Variants in RXRA observed in about 807,000 individuals in gnomAD.
The protein encoded by RXRA is retinoid X receptor alpha.
RXRA carries 5 observed loss-of-function variants against 44.5 expected under a neutral mutation model. The observed-to-expected ratio is 0.11, with a 90% confidence interval of 0.06 to 0.24. The LOEUF (loss-of-function observed/expected upper bound fraction) is 0.24, where lower values mean the gene tolerates loss of function less well. Ranked by LOEUF, RXRA falls within the 10% of genes least tolerant of loss-of-function variation. RXRA has a pLI of 1.00. For synonymous variants in RXRA, 291 were observed against 271.4 expected, an observed-to-expected ratio of 1.07 and a Z score of -0.71; for missense variants, 412 against 646.5, an observed-to-expected ratio of 0.64 and a Z score of 3.93.
At chr9:134,405,248 T>G (rs1412950146) in intron 2 of RXRA, 1 of 152,252 alleles carries the variant, frequency 6.6e-6, no homozygotes, top group Non-Finnish European at 1.5e-5. Context: ...GCCTTGCTTC[T>G]GTAGCCTGGA....
chr9:134,430,472 AG>A (rs1831515301), intron 7 of RXRA, among the ~76,000 whole-genome samples: 1 of 152,234 alleles, frequency 6.6e-6, no homozygotes, highest in South Asian at 2.1e-4. Flanking sequence ...GGGGTGGTTC[AG>A]GTCCCAGAGT....
intron 1 of RXRA, among the ~76,000 whole-genome samples, chr9:134,357,095 C>G (rs1473238093): frequency 6.6e-6 from 1 of 152,246 alleles, no homozygotes; most frequent in Non-Finnish European, 1.5e-5. Context: ...CCACCCAGCC[C>G]ACACCCTGAA....
At chr9:134,392,056 C>T (rs1455595822) in intron 1 of RXRA, among the ~76,000 whole-genome samples, 1 of 152,230 alleles carries the variant, frequency 6.6e-6, no homozygotes, top group Non-Finnish European at 1.5e-5. Flanking sequence ...TTGCAGGGGG[C>T]CGTGACAGTC....
intron 4 of RXRA, among the ~76,000 whole-genome samples, chr9:134,412,274 C>T (rs990635566): frequency 6.6e-6 from 1 of 152,210 alleles, no homozygotes; most frequent in African/African-American, 2.4e-5. Context: ...GTGTCAGGCC[C>T]CCTGGTGGGC....
In RXRA at chr9:134,401,838, G is replaced by C; in HGVS notation, c.235G>C (p.Val79Leu). 1.2e-6 allele frequency: 2 copies of C among 1,612,430 alleles called. No individual in the cohort carries two copies. Among genetic ancestry groups the C allele is most frequent in the Non-Finnish European group, 1.7e-6 (2 of 1,179,568 alleles). Reference sequence around the variant, plus strand: ...CCCCATGGGCCCCCACTCCATGTCGGTGCCCACCACACCCACCCTGGGCTT... The same window carrying C: ...CCCCATGGGCCCCCACTCCATGTCGCTGCCCACCACACCCACCCTGGGCTT... ...SSPMGPHSMS[V>L]PTTPTLGFST... Residue 79 changes from valine to leucine, a missense_variant, in exon 2 of 10, where the codon GTG (valine) becomes CTG (leucine). Around this residue, in one of 4 missense-constraint regions of RXRA, gnomAD observed 156 missense variants for 177.2 expected, o/e 0.88. Transcript: ENST00000481739.
intron 7 of RXRA, 89 bp downstream of exon 7, chr9:134,429,329 TC>T: frequency 3.7e-6 from 5 of 1,346,612 alleles, no homozygotes; most frequent in African/African-American, 1.4e-5. Flanking sequence ...CCGGTGCACA[TC>T]CTGCCTAGTA....
chr9:134,379,560 A>C (rs1257654198), intron 1 of RXRA: 15 of 985,440 alleles, frequency 1.5e-5, no homozygotes, highest in Non-Finnish European at 1.8e-5. Context: ...GCTCGGCCTC[A>C]TGGGGGGCTT....
In RXRA at chr9:134,383,263, G is replaced by A. The variant is rs1399579370; in HGVS notation, c.29-18369G>A. Among the ~76,000 whole-genome samples, 3 of 152,324 alleles carry A rather than the reference G, an allele frequency of 2.0e-5. No homozygotes were observed. The East Asian group carries it at 5.8e-4, about 29-fold the overall frequency. ...TTTGTCTCACTGATGAGCCATGTCAGGGTGAGGCAGGATGGAGGTGGGGCT... is the reference window on the plus strand; with the variant it reads ...TTTGTCTCACTGATGAGCCATGTCAAGGTGAGGCAGGATGGAGGTGGGGCT... On this transcript the variant is annotated intron_variant, in intron 1 of 9. Transcript: ENST00000481739.
intron 1 of RXRA, among the ~76,000 whole-genome samples, chr9:134,345,050 C>T (rs1290041618): frequency 6.6e-6 from 1 of 152,146 alleles, no homozygotes; most frequent in Non-Finnish European, 1.5e-5. Flanking sequence ...GCCCAGTGCT[C>T]GAGCTGCAGT....
rs926244620 is a variant in RXRA at position 134,380,260 on chromosome 9, G to A, written c.29-21372G>A. The A allele has an allele frequency of 3.9e-5, 36 of 913,400 alleles. No individual in the cohort carries two copies. In the African/African-American group the frequency reaches 4.8e-4, roughly 12 times the overall value. The allele number at this position is 913,400 out of a possible 1,614,324, so 56.6% of individuals were successfully genotyped here. ...TCCCAGGATGGGAGTGGGGGTGGCCGGGGCACTGTGAGCTGGCGTGCTGAG... is the reference window on the plus strand; with the variant it reads ...TCCCAGGATGGGAGTGGGGGTGGCCAGGGCACTGTGAGCTGGCGTGCTGAG... On this transcript the variant is annotated intron_variant, in intron 1 of 9. Transcript: ENST00000481739.
At chr9:134,376,755 A>G (rs1830563074) in intron 1 of RXRA, among the ~76,000 whole-genome samples, 1 of 100,298 alleles carries the variant, frequency 1.0e-5, no homozygotes, top group Non-Finnish European at 2.2e-5. Flanking sequence ...CGTGGTAGAG[A>G]GGGACCTCCT....
chr9:134,381,223 G>T (rs928588986), intron 1 of RXRA, among the ~76,000 whole-genome samples: 3 of 152,328 alleles, frequency 2.0e-5, no homozygotes, highest in African/African-American at 7.2e-5. Flanking sequence ...CTTTGAAGAG[G>T]CAGGCGTATG....
At position 134,422,527 on chromosome 9, in the gene RXRA, C is replaced by T. The variant is rs1360124254; in HGVS notation, c.910+722C>T. On this transcript the variant is annotated intron_variant, in intron 6 of 9. Transcript: ENST00000481739. ...ACTCCCCTCTCCCGGGACACTCCCCCCTTCCGGGACACTCCCCCCTCCTGG... is the reference window on the plus strand; with the variant it reads ...ACTCCCCTCTCCCGGGACACTCCCCTCTTCCGGGACACTCCCCCCTCCTGG... 91 of 1,200,362 alleles carry T rather than the reference C, an allele frequency of 7.6e-5. 1 individual carries two copies. Among genetic ancestry groups the T allele is most frequent in the Non-Finnish European group, 8.8e-5 (82 of 934,920 alleles). 74.4% of individuals were successfully genotyped at this position (1,200,362 alleles called of 1,614,324 possible). A position where few individuals can be genotyped will look rare whatever the true frequency, so the allele number is the denominator to read the frequency against.
intron 4 of RXRA, among the ~76,000 whole-genome samples, chr9:134,412,139 T>TCCCCGACA (rs1301799360): frequency 2.0e-5 from 3 of 152,228 alleles, no homozygotes; most frequent in Non-Finnish European, 4.4e-5. Flanking sequence ...GGCTGTTGGC[T>TCCCCGACA]GCATGGGTGA....
rs77868354 is a variant in RXRA at position 134,357,770 on chromosome 9, C to T, written c.28+31111C>T. The stretch of plus-strand genomic sequence containing the variant: ...TTGGCCACCCTCGGGGCAGAGCACC[C>T]GGGAAATTACGTGTTCTTAGAAAAT... On this transcript the variant is annotated intron_variant, in intron 1 of 9. Coordinates refer to ENST00000481739, the MANE Select transcript of RXRA (RefSeq NM_002957.6). Among the ~76,000 whole-genome samples, 1,040 of 152,320 alleles carry T rather than the reference C, an allele frequency of 6.8e-3. 35 individuals carry two copies. The East Asian group carries it at 0.12, about 17-fold the overall frequency.
rs1830200701 is a variant in RXRA, at chr9:134,349,940, C to G, written c.28+23281C>G. 6.6e-6 allele frequency among the ~76,000 whole-genome samples: 1 copy of G among 152,112 alleles called. No individual in the cohort carries two copies. The highest frequency in any genetic ancestry group is 2.1e-4 in the South Asian group (1 of 4,832). ...TGTTTGGGTCAGCTCCTGGCTGCAG[C>G]TGGTGTCTGGAGGTCCCCAGGCACT... On this transcript the variant is annotated intron_variant, in intron 1 of 9. Transcript: ENST00000481739. The surrounding 1 kb of genome is among the most constrained non-coding windows in gnomAD (Gnocchi z 4.3).
chr9:134,340,506 A>G (rs921041520), intron 1 of RXRA, among the ~76,000 whole-genome samples: 1 of 152,126 alleles, frequency 6.6e-6, no homozygotes, highest in Non-Finnish European at 1.5e-5. Flanking sequence ...GTTTTGGTCT[A>G]AGTGGGGCTC....
chr9:134,417,183 C>T lies in RXRA; in HGVS notation c.636C>T (p.Gly212=), dbSNP rs2119177722. Residue 212 remains glycine (G), a synonymous_variant, in exon 5 of 10, where the codon GGC becomes GGT. Coordinates refer to ENST00000481739, the MANE Select transcript of RXRA (RefSeq NM_002957.6). The surrounding 1 kb of genome is among the most constrained non-coding windows in gnomAD (Gnocchi z 6.1). ...REAVQEERQR[G]KDRNENEVES... ...CCGTGCAGGAGGAGCGGCAGCGTGG[C>T]AAGGACCGGAACGAGAATGAGGTGG... 6.8e-6 allele frequency: 11 copies of T among 1,612,774 alleles called. No homozygotes were observed. Among genetic ancestry groups the T allele is most frequent in the East Asian group, 2.2e-5 (1 of 44,870 alleles).
chr9:134,341,455 C>T (rs1467091346), intron 1 of RXRA, among the ~76,000 whole-genome samples: 1 of 152,066 alleles, frequency 6.6e-6, no homozygotes, highest in Non-Finnish European at 1.5e-5. Context: ...GGCCTTGCTT[C>T]CTACACAAAC....
Sources: allele counts gnomAD v4.1 joint callset (sites outside exome capture counted in the v4.1 genomes callset), GRCh38; gene constraint gnomAD v4.1.1; regional missense constraint gnomAD v4.1.1; non-coding constraint Gnocchi (gnomAD v3.1); transcripts MANE v1.5; gene names NCBI Gene and HGNC (gene_info 2026-07-23, HGNC 2026-07-21).